TTC28: variants seen among roughly 807,000 people sequenced by gnomAD.
The protein encoded by TTC28 is tetratricopeptide repeat protein 28.
Under a neutral mutation model 198.0 loss-of-function variants are expected in TTC28, and 61 were observed. That is an observed-to-expected ratio of 0.31 (90% CI 0.25 to 0.38). The LOEUF is 0.38. Ranked by LOEUF, TTC28 falls within the 10% of genes least tolerant of loss-of-function variation. The probability of loss-of-function intolerance (pLI) is 1.00; values close to 1 mark genes in which losing one functional copy is unlikely to be tolerated. For synonymous variants in TTC28, 1,171 were observed against 1,297.8 expected (o/e 0.90, Z 2.10); for missense variants, 2,678 against 3,164.0 (o/e 0.85, Z 3.69).
chr22:28,526,153 C>A (rs1188241025), intron 2 of TTC28, among the ~76,000 whole-genome samples: 1 of 152,098 alleles, frequency 6.6e-6, no homozygotes, highest in Non-Finnish European at 1.5e-5. Context: ...AAAATAAGAA[C>A]CTCTTCAAAC....
chr22:28,267,550 T>C (rs1281487472), intron 5 of TTC28, among the ~76,000 whole-genome samples: 2 of 152,180 alleles, frequency 1.3e-5, no homozygotes, highest in Non-Finnish European at 2.9e-5. Flanking sequence ...GTCAATTCTT[T>C]TGTAAACAAG....
At chr22:28,029,268 C>G (rs375540312) in intron 13 of TTC28, among the ~76,000 whole-genome samples, 4 of 152,324 alleles carry the variant, frequency 2.6e-5, no homozygotes, top group East Asian at 3.9e-4. Context: ...TCAACTCAGC[C>G]CTGGGAAAGT....
chr22:28,575,074 T>C (rs560749880), intron 2 of TTC28, among the ~76,000 whole-genome samples: 3 of 152,358 alleles, frequency 2.0e-5, no homozygotes, highest in East Asian at 3.9e-4. Flanking sequence ...TCTGGGCTTA[T>C]GGAGTATTAC....
rs1936996270 is a variant in TTC28, at chr22:27,981,118, T to TAA, written c.*1101_*1102dup. The TAA allele has an allele frequency of 6.7e-6, 1 of 149,602 alleles. No individual in the cohort carries two copies. Among genetic ancestry groups the TAA allele is most frequent in the South Asian group, 2.1e-4 (1 of 4,766 alleles). 9.3% of individuals were successfully genotyped at this position (149,602 alleles called of 1,614,324 possible). A position where few individuals can be genotyped will look rare whatever the true frequency, so the allele number is the denominator to read the frequency against. ...GGGGACCTGGCAAAGGATTTAGATA[T>TAA]AAGACAACTGAGGGACCTGGAGTTG... On this transcript the variant is annotated 3_prime_UTR_variant, in exon 23 of 23. Transcript: ENST00000397906.
At chr22:28,353,997 C>T (rs2046038127) in intron 2 of TTC28, among the ~76,000 whole-genome samples, 1 of 152,108 alleles carries the variant, frequency 6.6e-6, no homozygotes, top group Admixed American at 6.6e-5. Flanking sequence ...ACTTCATACC[C>T]ATTAGGATGG....
chr22:28,288,436 AT>A (rs1317593440), intron 5 of TTC28, among the ~76,000 whole-genome samples: 1 of 152,244 alleles, frequency 6.6e-6, no homozygotes, highest in African/African-American at 2.4e-5. Context: ...ATCAAAAGAT[AT>A]TCACAAAAAT....
intron 1 of TTC28, among the ~76,000 whole-genome samples, chr22:28,670,179 C>G (rs2051856886): frequency 6.6e-6 from 1 of 151,904 alleles, no homozygotes; most frequent in Non-Finnish European, 1.5e-5. Context: ...CATTTTTCTA[C>G]ACCTCTAATG....
At position 28,101,230 on chromosome 22, in the gene TTC28, G is replaced by A. The variant is rs1348156625; in HGVS notation, c.3358C>T (p.Arg1120Cys). 21 of 1,551,652 alleles carry A rather than the reference G, an allele frequency of 1.4e-5. No homozygotes were observed. Among genetic ancestry groups the A allele is most frequent in the South Asian group, 4.8e-5 (4 of 84,002 alleles). ...LGRREDEAKI[R>C]HGLGLSLWAS... The stretch of plus-strand genomic sequence containing the variant: ...CAAAGGGAGAGGCCAAGGCCATGGC[G>A]AATTTTTGCCTCATCTTCTCTTCGG... The change falls in exon 9 of 23, where the codon CGC (arginine) becomes TGC (cysteine). Residue 1120 changes from arginine to cysteine, a missense_variant. This residue lies in a region of TTC28 where 727 missense variants were observed against 861.9 expected (regional missense o/e 0.84). Coordinates refer to ENST00000397906, the MANE Select transcript of TTC28 (RefSeq NM_001145418.2).
intron 5 of TTC28, among the ~76,000 whole-genome samples, chr22:28,204,447 A>G (rs997768428): frequency 1.3e-5 from 2 of 152,124 alleles, no homozygotes; most frequent in Non-Finnish European, 1.5e-5. Flanking sequence ...CTATTCTCAT[A>G]TTAATCCTGC....
Position 28,347,837 on chromosome 22 carries a change from C to A in TTC28, c.382-41194G>T, listed in dbSNP as rs188861465. Among the ~76,000 whole-genome samples, 14 of 152,300 alleles carry A rather than the reference C, an allele frequency of 9.2e-5. No individual in the cohort carries two copies. The East Asian group carries it at 2.7e-3, about 29-fold the overall frequency. ...GCAGTGACAGTGAGCCGAGATCGTG[C>A]CACTGCACTTCAGGGTGAGAGAGTG... is the stretch of plus-strand genomic sequence containing the variant. On this transcript the variant is annotated intron_variant, in intron 2 of 22. Transcript: ENST00000397906.
At chr22:28,628,930 A>AAAAAGAAAAGGAAAGGAAAGG (rs2051122368) in intron 2 of TTC28, among the ~76,000 whole-genome samples, 1 of 152,092 alleles carries the variant, frequency 6.6e-6, no homozygotes, top group African/African-American at 2.4e-5. Context: ...GGAAAAAGGA[A>AAAAAGAAAAGGAAAGGAAAGG]AAAAGAAAAG....
chr22:28,465,857 A>G (rs2048012364), intron 2 of TTC28, among the ~76,000 whole-genome samples: 1 of 152,178 alleles, frequency 6.6e-6, no homozygotes, highest in Non-Finnish European at 1.5e-5. Context: ...TTACAGTCCA[A>G]GATAGCTGCT....
chr22:28,601,793 C>T (rs1394636805), intron 2 of TTC28, among the ~76,000 whole-genome samples: 2 of 150,700 alleles, frequency 1.3e-5, no homozygotes, highest in East Asian at 4.3e-4. Context: ...CACACACACA[C>T]ACACACACAC....
chr22:28,119,516 G>A (rs1308425924), intron 6 of TTC28, among the ~76,000 whole-genome samples: 1 of 152,194 alleles, frequency 6.6e-6, no homozygotes, highest in East Asian at 1.9e-4. Flanking sequence ...ACGTGGGGAT[G>A]GAACCCATTT....
intron 1 of TTC28, among the ~76,000 whole-genome samples, chr22:28,670,740 G>A (rs2051867077): frequency 1.5e-5 from 2 of 132,634 alleles, no homozygotes; most frequent in Non-Finnish European, 3.3e-5. Context: ...GAATTACTGG[G>A]CCATATGGCA....
chr22:28,156,033 T>C (rs1378237265), intron 6 of TTC28, among the ~76,000 whole-genome samples: 1 of 152,188 alleles, frequency 6.6e-6, no homozygotes, highest in East Asian at 1.9e-4. Context: ...ACTGTTAGGT[T>C]GGGAGTCAAC....
At chr22:28,495,774 C>T (rs879739123) in intron 2 of TTC28, among the ~76,000 whole-genome samples, 1 of 152,094 alleles carries the variant, frequency 6.6e-6, no homozygotes, top group Non-Finnish European at 1.5e-5. Flanking sequence ...TGTTCAAGTG[C>T]CTCCTGTGTT....
At chr22:28,653,413 GA>G (rs1411774059) in intron 1 of TTC28, among the ~76,000 whole-genome samples, 1 of 151,676 alleles carries the variant, frequency 6.6e-6, no homozygotes, top group Non-Finnish European at 1.5e-5. Flanking sequence ...TGAGGTGGGA[GA>G]ATCACCTGAG....
intron 12 of TTC28, among the ~76,000 whole-genome samples, chr22:28,059,682 TTTTTAA>T (rs1428315954): frequency 2.6e-5 from 4 of 152,090 alleles, no homozygotes; most frequent in Middle Eastern, 3.2e-3. Flanking sequence ...TATCTGTTTC[TTTTTAA>T]TTTTATCAAA....
Sources: allele counts gnomAD v4.1 joint callset (sites outside exome capture counted in the v4.1 genomes callset), GRCh38; gene constraint gnomAD v4.1.1; regional missense constraint gnomAD v4.1.1; transcripts MANE v1.5; gene names NCBI Gene and HGNC (gene_info 2026-07-23, HGNC 2026-07-21).